The following IL1R2 variants were observed in gnomAD, a reference collection of about 807,000 sequenced individuals.
The protein encoded by IL1R2 is interleukin-1 receptor type 2.
Under a neutral mutation model 39.5 loss-of-function variants are expected in IL1R2, and 46 were observed. That is an observed-to-expected ratio of 1.16 (90% CI 0.92 to 1.49). IL1R2 has a LOEUF of 1.49. IL1R2 is among the 40% of genes most tolerant of loss of function. The pLI is 0.00. For synonymous variants in IL1R2, 207 were observed against 189.6 expected (o/e 1.09, Z -0.75); for missense variants, 537 against 502.0 (o/e 1.07, Z -0.67).
chr2:102,017,667 A>G (rs915613437), intron 4 of IL1R2, among the ~76,000 whole-genome samples: 6 of 152,230 alleles, frequency 3.9e-5, no homozygotes, highest in African/African-American at 1.4e-4. Flanking sequence ...AAAAAAGTAA[A>G]AGAAGGATAT....
intron 1 of IL1R2, among the ~76,000 whole-genome samples, chr2:101,992,955 G>C (rs1675420995): frequency 6.6e-6 from 1 of 152,120 alleles, no homozygotes; most frequent in Admixed American, 6.5e-5. Flanking sequence ...TTTTCTATCT[G>C]TCAAAAGAGG....
chr2:102,015,723 T>C (rs980577730), intron 3 of IL1R2, 148 bp from the exon 4 acceptor site: 2 of 645,318 alleles, frequency 3.1e-6, no homozygotes, highest in Non-Finnish European at 5.3e-6. Context: ...AATCCTAAGT[T>C]GAACCATCTT....
At position 102,003,988 on chromosome 2, in the gene IL1R2, GGTCTATGTCTATGTCTAT is replaced by G. The variant is rs58345449; in HGVS notation, c.-61-4482_-61-4465del. Among the ~76,000 whole-genome samples, 450 of 140,526 alleles carry G rather than the reference GGTCTATGTCTATGTCTAT, an allele frequency of 3.2e-3. 2 individuals are homozygous for G. The highest frequency in any genetic ancestry group is 0.011 in the South Asian group (47 of 4,094). 92.2% of individuals were successfully genotyped at this position (140,526 alleles called of 152,430 possible). ...AGGTCTAGGTCTTGGTCTCGGTCTG[GGTCTATGTCTATGTCTAT>G]GTCTATGTCTATGTCTATGTCTATG... On this transcript the variant is annotated intron_variant, in intron 1 of 8. Coordinates refer to ENST00000332549, the MANE Select transcript of IL1R2 (RefSeq NM_004633.4).
At chr2:102,003,036 C>A (rs1366766215) in intron 1 of IL1R2, among the ~76,000 whole-genome samples, 1 of 95,594 alleles carries the variant, frequency 1.0e-5, no homozygotes, top group African/African-American at 2.9e-5. Flanking sequence ...GTGTCTGTGT[C>A]TATGCCTATG....
intron 1 of IL1R2, among the ~76,000 whole-genome samples, chr2:101,997,115 G>A (rs529279049): frequency 6.6e-6 from 1 of 152,262 alleles, no homozygotes; most frequent in Admixed American, 6.5e-5. Flanking sequence ...TGCTGACCTG[G>A]GGTAGGCACT....
chr2:102,027,979 C>T (rs1291209738), intron 8 of IL1R2, among the ~76,000 whole-genome samples: 1 of 152,224 alleles, frequency 6.6e-6, no homozygotes, highest in African/African-American at 2.4e-5. Flanking sequence ...ACCCTCAGCA[C>T]TTGCCCACTT....
Position 102,008,653 on chromosome 2 carries a change from A to G in IL1R2, c.67+11A>G, listed in dbSNP as rs772436877. ...CTGCGGCACACACAGGTTAGAAGTAAACCTTTCAGATGCAAAAAGGCTTGC... is the reference window on the plus strand; with the variant it reads ...CTGCGGCACACACAGGTTAGAAGTAGACCTTTCAGATGCAAAAAGGCTTGC... On this transcript the variant is annotated intron_variant, in intron 2 of 8. Coordinates refer to ENST00000332549, the MANE Select transcript of IL1R2 (RefSeq NM_004633.4). 1 of 1,611,142 alleles carries G rather than the reference A, an allele frequency of 6.2e-7. No individual in the cohort carries two copies. Among genetic ancestry groups the G allele is most frequent in the Non-Finnish European group, 8.5e-7 (1 of 1,177,346 alleles).
At chr2:102,009,452 GT>G in intron 2 of IL1R2, 109 bp from the exon 3 acceptor site, 2 of 1,223,418 alleles carry the variant, frequency 1.6e-6, no homozygotes, top group Non-Finnish European at 2.3e-6. Context: ...TTTCTCAAAT[GT>G]GCTCCAGGTT....
intron 1 of IL1R2, among the ~76,000 whole-genome samples, chr2:102,002,607 T>C (rs1490450750): frequency 6.6e-6 from 1 of 151,916 alleles, no homozygotes; most frequent in Non-Finnish European, 1.5e-5. Flanking sequence ...TCTGTGTCTA[T>C]GTCTGTATAA....
At position 102,024,520 on chromosome 2, in the gene IL1R2, T is replaced by A; in HGVS notation, c.752-13T>A. ...GGTTCTGCAGTTGACGTGCTGTGCC[T>A]TGCCATCCACAGGGTCAAGACTGAC... is the stretch of plus-strand genomic sequence containing the variant. On this transcript the variant is annotated splice_polypyrimidine_tract_variant and intron_variant, in intron 6 of 8. Transcript: ENST00000332549. The A allele has an allele frequency of 6.2e-7, 1 of 1,609,004 alleles. No individual in the cohort carries two copies. Among genetic ancestry groups the A allele is most frequent in the Non-Finnish European group, 8.5e-7 (1 of 1,175,326 alleles).
At chr2:102,007,342 CA>C (rs1362922289) in intron 1 of IL1R2, among the ~76,000 whole-genome samples, 1 of 152,144 alleles carries the variant, frequency 6.6e-6, no homozygotes, top group East Asian at 1.9e-4. Flanking sequence ...GTTAGCAGGA[CA>C]CCAAATCTCT....
chr2:102,013,880 C>T (rs1174399316), intron 3 of IL1R2, among the ~76,000 whole-genome samples: 2 of 151,964 alleles, frequency 1.3e-5, no homozygotes, highest in African/African-American at 4.8e-5. Flanking sequence ...GGAAGAGTCC[C>T]CACAGTGGGG....
At chr2:102,000,485 T>C (rs1675800117) in intron 1 of IL1R2, among the ~76,000 whole-genome samples, 1 of 152,226 alleles carries the variant, frequency 6.6e-6, no homozygotes, top group Non-Finnish European at 1.5e-5. Context: ...GGGTCGAATA[T>C]GACTAATAAA....
chr2:102,023,555 C>T (rs912606319), intron 6 of IL1R2: 3 of 152,228 alleles, frequency 2.0e-5, no homozygotes, highest in East Asian at 3.9e-4. Context: ...ATTCTCAACC[C>T]GTGGTGGGGC....
intron 3 of IL1R2, among the ~76,000 whole-genome samples, chr2:102,013,562 G>GAAAA (rs1559421451): frequency 8.3e-5 from 3 of 36,124 alleles, no homozygotes; most frequent in Admixed American, 3.3e-4. Context: ...AGGAAAGAAA[G>GAAAA]AAAAGAAAAG....
rs759963918 is a variant in IL1R2 at position 102,028,440 on chromosome 2, T to A, written c.*48T>A. 9 of 1,470,948 alleles carry A rather than the reference T, an allele frequency of 6.1e-6. No individual in the cohort carries two copies. The South Asian group carries it at 6.9e-5, about 11-fold the overall frequency. The allele number at this position is 1,470,948 out of a possible 1,614,324, so 91.1% of individuals were successfully genotyped here. A position where few individuals can be genotyped will look rare whatever the true frequency, so the allele number is the denominator to read the frequency against. ...AAACACAAACTCCGTACGTCTTCTC[T>A]TATGGAAGTGGCTGTGTCTTTTTGA... On this transcript the variant is annotated 3_prime_UTR_variant, in exon 9 of 9. Transcript: ENST00000332549.
intron 1 of IL1R2, among the ~76,000 whole-genome samples, chr2:101,996,351 T>C (rs1028682600): frequency 6.6e-6 from 1 of 152,172 alleles, no homozygotes; most frequent in Non-Finnish European, 1.5e-5. Context: ...AGGTTTCCTC[T>C]GGGGCTTTTT....
intron 3 of IL1R2, among the ~76,000 whole-genome samples, chr2:102,013,524 CAAAAAAAAAA>C (rs771727938): frequency 3.5e-4 from 2 of 5,688 alleles, no homozygotes; most frequent in Non-Finnish European, 6.0e-4. Flanking sequence ...TCTATCACTG[CAAAAAAAAAA>C]AAAAAAAAAA....
intron 1 of IL1R2, among the ~76,000 whole-genome samples, chr2:102,005,027 G>A (rs1353173359): frequency 6.6e-6 from 1 of 152,186 alleles, no homozygotes; most frequent in African/African-American, 2.4e-5. Context: ...TTGAAGAAGA[G>A]AGTTAACTTG....
Sources: allele counts gnomAD v4.1 joint callset (sites outside exome capture counted in the v4.1 genomes callset), GRCh38; gene constraint gnomAD v4.1.1; transcripts MANE v1.5; gene names NCBI Gene and HGNC (gene_info 2026-07-23, HGNC 2026-07-21).